Variants in SLC1A2 observed in about 807,000 individuals in gnomAD.
SLC1A2 encodes solute carrier family 1 member 2.
A neutral mutation model predicts 48.8 loss-of-function variants in SLC1A2; 15 were observed. The observed-to-expected ratio is 0.31, with a 90% CI of 0.21 to 0.47. SLC1A2 has a LOEUF of 0.47. SLC1A2 is among the 20% of genes least tolerant of loss of function. The probability of loss-of-function intolerance (pLI) is 0.99; values close to 1 mark genes in which losing one functional copy is unlikely to be tolerated. For synonymous variants in SLC1A2, 279 were observed against 272.6 expected (o/e 1.02, Z -0.23); for missense variants, 502 against 730.5 (o/e 0.69, Z 3.61).
Position 35,256,195 on chromosome 11 carries a change from A to G in SLC1A2, c.*4699T>C, listed in dbSNP as rs1266441872. 6.6e-6 allele frequency: 1 copy of G among 152,180 alleles called. No homozygotes were observed. The highest frequency in any genetic ancestry group is 1.5e-5 in the Non-Finnish European group (1 of 68,032). The allele number at this position is 152,180 out of a possible 1,614,324, so 9.4% of individuals were successfully genotyped here. On this transcript the variant is annotated 3_prime_UTR_variant, in exon 11 of 11. Coordinates refer to ENST00000278379, the MANE Select transcript of SLC1A2 (RefSeq NM_004171.4). ...AATCAAATGTTCCCTCTACCAAACCATGTTGTTTCTTATCATCTCTATGTC... is the reference window on the plus strand; with the variant it reads ...AATCAAATGTTCCCTCTACCAAACCGTGTTGTTTCTTATCATCTCTATGTC...
At chr11:35,350,762 A>G (rs1342391292) in intron 1 of SLC1A2, among the ~76,000 whole-genome samples, 1 of 152,208 alleles carries the variant, frequency 6.6e-6, no homozygotes, top group Non-Finnish European at 1.5e-5. Context: ...CTGATTAGGA[A>G]GATGCCTGGG....
chr11:35,296,987 C>T (rs921666089), intron 6 of SLC1A2, among the ~76,000 whole-genome samples: 5 of 152,072 alleles, frequency 3.3e-5, no homozygotes, highest in African/African-American at 4.8e-5. Flanking sequence ...CATTATCTCA[C>T]CAGTACCTAA....
At chr11:35,353,555 T>C (rs974303647) in intron 1 of SLC1A2, among the ~76,000 whole-genome samples, 3 of 152,186 alleles carry the variant, frequency 2.0e-5, no homozygotes, top group African/African-American at 7.2e-5. Context: ...GGGTTTCCAA[T>C]AAATTTTAGC....
chr11:35,354,756 G>A (rs550315179), intron 1 of SLC1A2, among the ~76,000 whole-genome samples: 11 of 152,148 alleles, frequency 7.2e-5, no homozygotes, highest in East Asian at 3.9e-4. Flanking sequence ...ACCCCCAACC[G>A]CCCGCATCCC....
intron 1 of SLC1A2, among the ~76,000 whole-genome samples, chr11:35,416,933 C>T (rs1193510455): frequency 1.3e-5 from 2 of 152,206 alleles, no homozygotes; most frequent in African/African-American, 4.8e-5. Flanking sequence ...TCTGTATCCC[C>T]CCAACTCGGA....
At chr11:35,333,609 C>A (rs1852507153) in intron 1 of SLC1A2, among the ~76,000 whole-genome samples, 1 of 152,058 alleles carries the variant, frequency 6.6e-6, no homozygotes, top group South Asian at 2.1e-4. Flanking sequence ...GAAATTTATT[C>A]TAAAACCCTT....
At chr11:35,330,037 G>C (rs1852379992) in intron 1 of SLC1A2, among the ~76,000 whole-genome samples, 1 of 152,228 alleles carries the variant, frequency 6.6e-6, no homozygotes, top group South Asian at 2.1e-4. Flanking sequence ...TTGGTGAGTA[G>C]ATGAGCTGGG....
At chr11:35,406,744 G>A (rs780114800) in intron 1 of SLC1A2, among the ~76,000 whole-genome samples, 17 of 151,578 alleles carry the variant, frequency 1.1e-4, no homozygotes, top group Admixed American at 4.6e-4. Context: ...TGAGTTTGTA[G>A]GGAAAAAAAA....
intron 1 of SLC1A2, among the ~76,000 whole-genome samples, chr11:35,340,165 T>C (rs1407427581): frequency 2.0e-5 from 3 of 152,152 alleles, no homozygotes; most frequent in Admixed American, 1.3e-4. Context: ...ACCCAGCTCA[T>C]GTCAGGAAAA....
chr11:35,409,884 A>C (rs1466505453), intron 1 of SLC1A2, among the ~76,000 whole-genome samples: 1 of 152,148 alleles, frequency 6.6e-6, no homozygotes, highest in Non-Finnish European at 1.5e-5. Flanking sequence ...ACTCCAGCCT[A>C]AGTGACAGAG....
intron 7 of SLC1A2, among the ~76,000 whole-genome samples, chr11:35,290,641 G>A (rs1850970420): frequency 6.7e-6 from 1 of 149,518 alleles, no homozygotes; most frequent in African/African-American, 2.5e-5. Context: ...TTCTGGTTAT[G>A]AGCCTGGTAT....
chr11:35,388,750 C>A (rs1854662137), intron 1 of SLC1A2, among the ~76,000 whole-genome samples: 1 of 152,182 alleles, frequency 6.6e-6, no homozygotes, highest in Admixed American at 6.5e-5. Context: ...GCATGTAGAG[C>A]CTATGCCTCC....
intron 8 of SLC1A2, among the ~76,000 whole-genome samples, chr11:35,283,694 G>A (rs1326723977): frequency 2.0e-5 from 3 of 152,052 alleles, no homozygotes; most frequent in Non-Finnish European, 4.4e-5. Context: ...ACCTTTGCTT[G>A]GCAAAAGACT....
chr11:35,268,002 T>G (rs1480485581), intron 9 of SLC1A2, among the ~76,000 whole-genome samples: 1 of 152,222 alleles, frequency 6.6e-6, no homozygotes, highest in African/African-American at 2.4e-5. Flanking sequence ...AGACTCTCCC[T>G]CTTTTCCCTC....
chr11:35,279,956 T>C (rs1463521182), intron 9 of SLC1A2, among the ~76,000 whole-genome samples: 1 of 152,184 alleles, frequency 6.6e-6, no homozygotes, highest in Non-Finnish European at 1.5e-5. Flanking sequence ...GTGTGCTGTG[T>C]TTTAATCACT....
At chr11:35,334,183 A>G (rs769049538) in intron 1 of SLC1A2, among the ~76,000 whole-genome samples, 1 of 152,116 alleles carries the variant, frequency 6.6e-6, no homozygotes, top group African/African-American at 2.4e-5. Flanking sequence ...CTTGACACCA[A>G]TGCGAAGTGT....
intron 1 of SLC1A2, among the ~76,000 whole-genome samples, chr11:35,369,326 T>G (rs1025949056): frequency 1.6e-4 from 24 of 152,180 alleles, no homozygotes; most frequent in African/African-American, 5.6e-4. Flanking sequence ...GTATAAAAAT[T>G]ACAAGTTATA....
chr11:35,290,008 C>T (rs1372762612), intron 7 of SLC1A2, among the ~76,000 whole-genome samples: 8 of 152,202 alleles, frequency 5.3e-5, no homozygotes, highest in East Asian at 1.9e-4. Flanking sequence ...TAAAGATATG[C>T]ATATCCCATG....
chr11:35,260,672 C>A lies in SLC1A2; in HGVS notation c.*222G>T. On this transcript the variant is annotated 3_prime_UTR_variant, in exon 11 of 11. Coordinates refer to ENST00000278379, the MANE Select transcript of SLC1A2 (RefSeq NM_004171.4). ...AGCAGCATCCATTCAAATAATAATA[C>A]AAGTGAGAAAATTAGACGGTTATAA... The A allele has an allele frequency of 1.9e-6, 1 of 526,288 alleles. No homozygotes were observed. The allele number at this position is 526,288 out of a possible 1,614,324, so 32.6% of individuals were successfully genotyped here.
Sources: gnomAD v4.1 joint callset for allele counts (sites outside exome capture counted in the v4.1 genomes callset) on GRCh38, gnomAD v4.1.1 for gene constraint, MANE v1.5 for transcripts, NCBI Gene and HGNC (gene_info 2026-07-23, HGNC 2026-07-21) for gene names.